ARID1B: variants seen among roughly 807,000 people sequenced by gnomAD.
ARID1B encodes AT-rich interactive domain-containing protein 1B.
ARID1B carries 30 observed loss-of-function variants against 212.3 expected under a neutral mutation model. That is an observed-to-expected ratio of 0.14 (90% CI 0.11 to 0.19). The LOEUF is 0.19. ARID1B is among the 10% of genes least tolerant of loss of function. The pLI is 1.00. For missense variants in ARID1B, 2,891 were observed against 3,204.0 expected, an observed-to-expected ratio of 0.90 and a Z score of 2.36; for synonymous variants, 1,402 against 1,301.7, an observed-to-expected ratio of 1.08 and a Z score of -1.66.
Position 157,174,018 on chromosome 6 carries a change from T to C in ARID1B, c.3246T>C (p.Gly1082=). 4 of 1,614,066 alleles carry C rather than the reference T, an allele frequency of 2.5e-6. No individual in the cohort carries two copies. The highest frequency in any genetic ancestry group is 3.4e-6 in the Non-Finnish European group (4 of 1,179,914). Reference sequence around the variant, plus strand: ...CCTGTTTTCGATTAGCATCTGTGGGTCTTGCAGATATGATGTCTCCTGGTG... The same window carrying C: ...CCTGTTTTCGATTAGCATCTGTGGGCCTTGCAGATATGATGTCTCCTGGTG... ...AMVNSSAASV[G]LADMMSPGES... is the part of the protein sequence containing the mutation. The change falls in exon 10 of 20, where the codon GGT becomes GGC. Residue 1082 remains glycine, a synonymous_variant. Transcript: ENST00000636930.
At chr6:156,921,381 G>A (rs1790771890) in intron 3 of ARID1B, among the ~76,000 whole-genome samples, 1 of 149,136 alleles carries the variant, frequency 6.7e-6, no homozygotes, top group African/African-American at 2.5e-5. Flanking sequence ...TTCCCAAATG[G>A]AAATTTGACT....
chr6:157,186,328 T>C (rs1383431543), intron 13 of ARID1B: 2 of 395,624 alleles, frequency 5.1e-6, no homozygotes, highest in Non-Finnish European at 1.0e-5. Flanking sequence ...GGATTGCAAA[T>C]GGACTCCTGG....
At chr6:157,037,949 A>C (rs1279781102) in intron 4 of ARID1B, among the ~76,000 whole-genome samples, 1 of 152,226 alleles carries the variant, frequency 6.6e-6, no homozygotes, top group East Asian at 1.9e-4. Flanking sequence ...TAGAGAACAC[A>C]AGAGGAAGAA....
chr6:156,981,370 G>T (rs1034564506), intron 4 of ARID1B, among the ~76,000 whole-genome samples: 4 of 152,066 alleles, frequency 2.6e-5, no homozygotes, highest in Non-Finnish European at 5.9e-5. Context: ...AGGAGTTAAG[G>T]CACATATATC....
chr6:157,205,937 A>G lies in ARID1B; in HGVS notation c.5395-230A>G, dbSNP rs1162814284. ...GTGTAGATAGTCTAAGCAAGGAAGC[A>G]GCAAATAAGGAACATGCTAAACATC... On this transcript the variant is annotated intron_variant, in intron 19 of 19. Transcript: ENST00000636930. 3 of 553,866 alleles carry G rather than the reference A, an allele frequency of 5.4e-6. No individual in the cohort carries two copies. In the East Asian group the frequency reaches 8.9e-5, roughly 16 times the overall value. 34.3% of individuals were successfully genotyped at this position (553,866 alleles called of 1,614,324 possible). A position where few individuals can be genotyped will look rare whatever the true frequency, so the allele number is the denominator to read the frequency against.
chr6:156,844,142 T>C (rs1036691880), intron 2 of ARID1B, among the ~76,000 whole-genome samples: 3 of 152,386 alleles, frequency 2.0e-5, no homozygotes, highest in Non-Finnish European at 4.4e-5. Context: ...CTTTCTCCCC[T>C]TCTTGCTTCC....
Position 156,855,562 on chromosome 6 carries a change from G to A in ARID1B, c.1986+26141G>A, listed in dbSNP as rs189276018. On this transcript the variant is annotated intron_variant, in intron 2 of 19. Coordinates refer to ENST00000636930, the MANE Select transcript of ARID1B (RefSeq NM_001374828.1). ...TCAGTCAGTGTTTCTGATAAAGTTT[G>A]TAAAATAATCATTTTATAATTATAT... Among the ~76,000 whole-genome samples the A allele has an allele frequency of 3.3e-3, 497 of 152,286 alleles. 4 individuals carry two copies. Among genetic ancestry groups the A allele is most frequent in the Non-Finnish European group, 4.2e-3 (284 of 68,030 alleles).
intron 6 of ARID1B, among the ~76,000 whole-genome samples, chr6:157,127,140 G>C (rs1450020174): frequency 6.6e-6 from 1 of 152,206 alleles, no homozygotes; most frequent in African/African-American, 2.4e-5. Context: ...ACTTGATTTA[G>C]ATTTCTTCCT....
intron 2 of ARID1B, among the ~76,000 whole-genome samples, chr6:156,848,316 A>G (rs777839499): frequency 7.2e-5 from 11 of 152,366 alleles, no homozygotes; most frequent in Non-Finnish European, 1.6e-4. Context: ...AAACAACAAC[A>G]GCAAACTGTT....
chr6:156,904,687 G>A (rs2128216966), intron 3 of ARID1B, among the ~76,000 whole-genome samples: 1 of 152,330 alleles, frequency 6.6e-6, no homozygotes, highest in South Asian at 2.1e-4. Context: ...CCCAATGTCT[G>A]AAATATGAAA....
chr6:157,107,637 A>T (rs1786592370), intron 5 of ARID1B: 1 of 152,180 alleles, frequency 6.6e-6, no homozygotes, highest in Non-Finnish European at 1.5e-5. Context: ...TTCATAGTAT[A>T]GTGTTTTCCA....
chr6:157,062,941 G>C (rs1288348963), intron 4 of ARID1B, among the ~76,000 whole-genome samples: 1 of 151,694 alleles, frequency 6.6e-6, no homozygotes, highest in Non-Finnish European at 1.5e-5. Flanking sequence ...CTGACCTCAG[G>C]TGATCCACCC....
intron 1 of ARID1B, among the ~76,000 whole-genome samples, chr6:156,798,041 T>TGGTCGGGAAGGC (rs1221593320): frequency 6.6e-6 from 1 of 151,644 alleles, no homozygotes; most frequent in Non-Finnish European, 1.5e-5. Context: ...TTCAGAGGAG[T>TGGTCGGGAAGGC]GGTCGGGAAG....
chr6:157,148,870 C>T lies in ARID1B; in HGVS notation c.3008C>T (p.Pro1003Leu). 1.2e-6 allele frequency: 2 copies of T among 1,612,936 alleles called. No homozygotes were observed. Among genetic ancestry groups the T allele is most frequent in the Non-Finnish European group, 1.7e-6 (2 of 1,179,998 alleles). The change falls in exon 8 of 20, where the codon CCG (proline) becomes CTG (leucine). Residue 1003 changes from proline to leucine, a missense_variant. Transcript: ENST00000636930. This position sits in a 1 kb window ranked among gnomAD's most constrained non-coding sequence, Gnocchi z 5.6. ...MSQQGGPGMG[P>L]PMPTVNRKAQ... ...CAGCAGGGAGGGCCAGGAATGGGGC[C>T]GCCAATGCCAACTGTGAACCGTAAG...
Position 157,208,838 on chromosome 6 carries a change from A to G in ARID1B, c.*947A>G, listed in dbSNP as rs1794640907. 1.4e-5 allele frequency: 3 copies of G among 220,470 alleles called. No individual in the cohort carries two copies. The allele number at this position is 220,470 out of a possible 1,614,324, so 13.7% of individuals were successfully genotyped here. On this transcript the variant is annotated 3_prime_UTR_variant, in exon 20 of 20. Coordinates refer to ENST00000636930, the MANE Select transcript of ARID1B (RefSeq NM_001374828.1). ...TTATATATTTTTTCATTAGGGCCAT[A>G]TCTCCAAAAAAAGAAAGAAAAAATA... is the stretch of plus-strand genomic sequence containing the variant.
At chr6:156,893,045 C>CTTTCTTTTT (rs1554263984) in intron 2 of ARID1B, among the ~76,000 whole-genome samples, 5 of 85,920 alleles carry the variant, frequency 5.8e-5, no homozygotes, top group African/African-American at 2.3e-4. Flanking sequence ...TTTTTTCTTC[C>CTTTCTTTTT]TTTTTTTTTT....
At chr6:156,804,446 A>G (rs1025116800) in intron 1 of ARID1B, among the ~76,000 whole-genome samples, 8 of 152,164 alleles carry the variant, frequency 5.3e-5, no homozygotes, top group African/African-American at 1.7e-4. Flanking sequence ...TTACACTGCT[A>G]TCAAGATATA....
intron 5 of ARID1B, among the ~76,000 whole-genome samples, chr6:157,107,027 A>C (rs1238713555): frequency 6.6e-6 from 1 of 152,196 alleles, no homozygotes; most frequent in Non-Finnish European, 1.5e-5. Context: ...AAAATACTTA[A>C]CCAACTACAA....
intron 4 of ARID1B, among the ~76,000 whole-genome samples, chr6:156,988,185 G>C (rs769752085): frequency 3.9e-5 from 6 of 152,146 alleles, no homozygotes; most frequent in Non-Finnish European, 8.8e-5. Flanking sequence ...GTTACAAACC[G>C]GGAGCTTGAA....
Sources: gnomAD v4.1 joint callset for allele counts (sites outside exome capture counted in the v4.1 genomes callset) on GRCh38, gnomAD v4.1.1 for gene constraint, Gnocchi (gnomAD v3.1) non-coding constraint, MANE v1.5 for transcripts, NCBI Gene and HGNC (gene_info 2026-07-23, HGNC 2026-07-21) for gene names.